Variants in VOPP1 observed in about 807,000 individuals in gnomAD.
VOPP1 encodes WW domain binding protein VOPP1.
A neutral mutation model predicts 23.5 loss-of-function variants in VOPP1; 8 were observed. The ratio of observed to expected loss-of-function variants is 0.34; its 90% CI spans 0.20 to 0.61. The LOEUF (loss-of-function observed/expected upper bound fraction) is 0.61, where lower values mean the gene tolerates loss of function less well. Ranked by LOEUF, VOPP1 falls within the 20% of genes least tolerant of loss-of-function variation. The pLI, the probability that VOPP1 is intolerant of heterozygous loss-of-function variation, is 0.78. For synonymous variants in VOPP1, 83 were observed against 97.3 expected, an observed-to-expected ratio of 0.85 and a Z score of 0.86; for missense variants, 174 against 238.1, an observed-to-expected ratio of 0.73 and a Z score of 1.77.
At chr7:55,572,123 C>A (rs1410308882) in intron 1 of VOPP1, 148 bp downstream of exon 1, 3 of 531,840 alleles carry the variant, frequency 5.6e-6, no homozygotes, top group Non-Finnish European at 9.3e-6. Context: ...CCTCCCAGCT[C>A]CGGGAGGCGC....
intron 4 of VOPP1, among the ~76,000 whole-genome samples, chr7:55,484,394 G>A (rs1282652035): frequency 2.0e-5 from 3 of 152,174 alleles, no homozygotes; most frequent in African/African-American, 7.2e-5. Context: ...AAGCACAGGT[G>A]CTTTCCTTTA....
At chr7:55,444,640 C>T (rs146005012) in intron 4 of VOPP1, among the ~76,000 whole-genome samples, 45 of 152,232 alleles carry the variant, frequency 3.0e-4, no homozygotes, top group African/African-American at 1.1e-3. Flanking sequence ...CCCCAGCTCC[C>T]ATGTGTTCAC....
At chr7:55,510,429 C>G (rs1381929350) in intron 2 of VOPP1, among the ~76,000 whole-genome samples, 1 of 152,224 alleles carries the variant, frequency 6.6e-6, no homozygotes, top group African/African-American at 2.4e-5. Flanking sequence ...TCTTCAGACA[C>G]CAAATAAAAC....
chr7:55,516,423 G>C (rs955067357), intron 2 of VOPP1, among the ~76,000 whole-genome samples: 5 of 152,214 alleles, frequency 3.3e-5, no homozygotes, highest in African/African-American at 1.2e-4. Flanking sequence ...GAAAGAGAGA[G>C]ATCATTTAGC....
chr7:55,534,543 C>T (rs894125102), intron 1 of VOPP1, among the ~76,000 whole-genome samples: 1 of 152,202 alleles, frequency 6.6e-6, no homozygotes, highest in Non-Finnish European at 1.5e-5. Context: ...CTTTTGAGCT[C>T]GCTCTGCAAT....
At chr7:55,478,784 G>T (rs573562732) in intron 4 of VOPP1, among the ~76,000 whole-genome samples, 1 of 152,208 alleles carries the variant, frequency 6.6e-6, no homozygotes, top group Non-Finnish European at 1.5e-5. Flanking sequence ...TCTAGCCACC[G>T]AGGAATGCTA....
intron 1 of VOPP1, among the ~76,000 whole-genome samples, chr7:55,548,863 T>C (rs1305164690): frequency 1.3e-5 from 2 of 152,208 alleles, no homozygotes; most frequent in African/African-American, 2.4e-5. Context: ...ATAACAGGCA[T>C]TGCAGGATCA....
At chr7:55,556,902 A>G (rs1455531967) in intron 1 of VOPP1, among the ~76,000 whole-genome samples, 1 of 152,162 alleles carries the variant, frequency 6.6e-6, no homozygotes, top group Non-Finnish European at 1.5e-5. Context: ...CCCTCTGTTA[A>G]GAAAATGTTA....
intron 3 of VOPP1, among the ~76,000 whole-genome samples, chr7:55,496,334 G>A (rs1341084984): frequency 6.6e-6 from 1 of 152,226 alleles, no homozygotes; most frequent in Admixed American, 6.5e-5. Flanking sequence ...CCTGAAGCTG[G>A]GTCTTGCCCC....
chr7:55,532,527 C>A (rs762308646), intron 1 of VOPP1, among the ~76,000 whole-genome samples: 12 of 152,236 alleles, frequency 7.9e-5, no homozygotes, highest in Non-Finnish European at 1.2e-4. Context: ...CTACAACGTA[C>A]TTTTGTGTCT....
intron 2 of VOPP1, among the ~76,000 whole-genome samples, chr7:55,513,746 AC>A (rs1795230863): frequency 6.6e-6 from 1 of 152,130 alleles, no homozygotes; most frequent in Non-Finnish European, 1.5e-5. Flanking sequence ...GTAAAGAACC[AC>A]CTTTGGGGCC....
At chr7:55,546,190 A>C (rs868161) in intron 1 of VOPP1, among the ~76,000 whole-genome samples, 140,958 of 152,326 alleles carry the variant, frequency 0.93, 65,944 homozygotes, top group East Asian at 1. Flanking sequence ...GTGCTAGAAG[A>C]CAAGGACTCA....
At position 55,521,980 on chromosome 7, in the gene VOPP1, C is replaced by T. The variant is rs1005135028; in HGVS notation, c.55-850G>A. On this transcript the variant is annotated intron_variant, in intron 1 of 4. Transcript: ENST00000285279. The stretch of plus-strand genomic sequence containing the variant: ...CTACTTCCATGATCTAGTTTATTGG[C>T]CCCCATGTGTAAATAAAACCTTCAA... The T allele has an allele frequency of 6.0e-6, 5 of 834,506 alleles. No individual in the cohort carries two copies. The South Asian group carries it at 2.7e-4, about 45-fold the overall frequency. The allele number at this position is 834,506 out of a possible 1,614,324, so 51.7% of individuals were successfully genotyped here. A position where few individuals can be genotyped will look rare whatever the true frequency, so the allele number is the denominator to read the frequency against.
chr7:55,544,301 C>T (rs750105315), intron 1 of VOPP1, among the ~76,000 whole-genome samples: 1 of 152,060 alleles, frequency 6.6e-6, no homozygotes, highest in African/African-American at 2.4e-5. Flanking sequence ...AAAAGCGACA[C>T]AAGAAGAAGA....
intron 2 of VOPP1, among the ~76,000 whole-genome samples, chr7:55,507,238 C>T (rs1794785716): frequency 6.6e-6 from 1 of 152,158 alleles, no homozygotes; most frequent in Non-Finnish European, 1.5e-5. Flanking sequence ...TTTAAAAACA[C>T]CCGTGCCTGC....
chr7:55,506,790 CGCCAT>C (rs1562937611), intron 2 of VOPP1, among the ~76,000 whole-genome samples: 1 of 152,068 alleles, frequency 6.6e-6, no homozygotes, highest in Non-Finnish European at 1.5e-5. Flanking sequence ...AGGTGTGCGC[CGCCAT>C]GCCTGGCTAA....
At chr7:55,445,991 C>CTTTTTTT (rs3066310) in intron 4 of VOPP1, among the ~76,000 whole-genome samples, 2 of 128,334 alleles carry the variant, frequency 1.6e-5, no homozygotes, top group African/African-American at 2.9e-5. Flanking sequence ...CCAGGTGAAA[C>CTTTTTTT]TTTTTTTTTT....
chr7:55,511,194 T>C lies in VOPP1; in HGVS notation c.113+9878A>G, dbSNP rs1021840484. The stretch of plus-strand genomic sequence containing the variant: ...ACTCAAAGCATACAAAGGAAACTGA[T>C]TAAAATGTTAACACAGTGCTGGCGG... On this transcript the variant is annotated intron_variant, in intron 2 of 4. Transcript: ENST00000285279. Among the ~76,000 whole-genome samples, 4 of 152,172 alleles carry C rather than the reference T, an allele frequency of 2.6e-5. No homozygotes were observed. The East Asian group carries it at 7.7e-4, about 29-fold the overall frequency.
At chr7:55,548,018 G>A (rs1797442135) in intron 1 of VOPP1, among the ~76,000 whole-genome samples, 1 of 152,070 alleles carries the variant, frequency 6.6e-6, no homozygotes, top group South Asian at 2.1e-4. Context: ...AAAATACCCC[G>A]ACAGCCACCT....
Sources: gnomAD v4.1 joint callset for allele counts (sites outside exome capture counted in the v4.1 genomes callset) on GRCh38, gnomAD v4.1.1 for gene constraint, MANE v1.5 for transcripts, NCBI Gene and HGNC (gene_info 2026-07-23, HGNC 2026-07-21) for gene names.